The following AFAP1 variants were observed in gnomAD, a reference collection of about 807,000 sequenced individuals.
AFAP1 encodes actin filament-associated protein 1.
A neutral mutation model predicts 93.9 loss-of-function variants in AFAP1; 75 were observed. The observed-to-expected ratio is 0.80, with a 90% confidence interval of 0.66 to 0.97. AFAP1 has a LOEUF of 0.97. Ranked by LOEUF, AFAP1 falls within the 50% of genes least tolerant of loss-of-function variation. The probability of loss-of-function intolerance (pLI) is 0.00; values close to 1 mark genes in which losing one functional copy is unlikely to be tolerated. For synonymous variants in AFAP1, 517 were observed against 430.7 expected, an observed-to-expected ratio of 1.20 and a Z score of -2.48; for missense variants, 1,201 against 1,050.8, an observed-to-expected ratio of 1.14 and a Z score of -1.98.
chr4:7,795,667 T>C (rs1438310312), intron 10 of AFAP1, among the ~76,000 whole-genome samples: 1 of 152,008 alleles, frequency 6.6e-6, no homozygotes, highest in Non-Finnish European at 1.5e-5. Flanking sequence ...CCTTGTGATC[T>C]GCCCACCTCG....
intron 1 of AFAP1, among the ~76,000 whole-genome samples, chr4:7,929,965 T>C (rs999823379): frequency 1.3e-5 from 2 of 152,176 alleles, no homozygotes; most frequent in Admixed American, 6.5e-5. Flanking sequence ...AAAGAGGCCA[T>C]GTATGCAGCA....
At chr4:7,768,102 G>A (rs531269365) in intron 17 of AFAP1, among the ~76,000 whole-genome samples, 1 of 152,354 alleles carries the variant, frequency 6.6e-6, no homozygotes, top group South Asian at 2.1e-4. Flanking sequence ...TTCCGGCAAT[G>A]AGAGGAACCC....
chr4:7,868,508 A>G (rs1716676013), intron 3 of AFAP1, 114 bp downstream of exon 3: 1 of 864,542 alleles, frequency 1.2e-6, no homozygotes, highest in Admixed American at 2.9e-5. Flanking sequence ...GAGTGCCTCG[A>G]GACAAATAAG....
chr4:7,787,565 G>A (rs1402540622), intron 11 of AFAP1, among the ~76,000 whole-genome samples: 1 of 152,180 alleles, frequency 6.6e-6, no homozygotes. Context: ...TGAGGGTTGA[G>A]TTCATGTATT....
chr4:7,903,826 G>A (rs537170938), intron 1 of AFAP1, among the ~76,000 whole-genome samples: 1 of 152,290 alleles, frequency 6.6e-6, no homozygotes, highest in South Asian at 2.1e-4. Flanking sequence ...AAAGGAGGCG[G>A]GCGGGCAGCA....
chr4:7,919,942 A>G (rs1720344594), intron 1 of AFAP1, among the ~76,000 whole-genome samples: 1 of 152,162 alleles, frequency 6.6e-6, no homozygotes, highest in Non-Finnish European at 1.5e-5. Flanking sequence ...AATGGCTTCC[A>G]GCTCCATCCA....
chr4:7,905,502 G>C (rs1719349702), intron 1 of AFAP1, among the ~76,000 whole-genome samples: 1 of 152,244 alleles, frequency 6.6e-6, no homozygotes, highest in Non-Finnish European at 1.5e-5. Context: ...TGGGCGCACA[G>C]CTGCTTTTCT....
At chr4:7,820,117 G>A (rs758782184) in intron 6 of AFAP1, among the ~76,000 whole-genome samples, 8 of 152,300 alleles carry the variant, frequency 5.3e-5, no homozygotes, top group Non-Finnish European at 1.2e-4. Flanking sequence ...AGGCTGGAGT[G>A]ACCCCACTGA....
At chr4:7,775,130 C>A in intron 14 of AFAP1, 2 of 489,940 alleles carry the variant, frequency 4.1e-6, no homozygotes, top group Non-Finnish European at 7.0e-6. Context: ...GACAGTGAGA[C>A]CCCGTGTCAA....
intron 13 of AFAP1, among the ~76,000 whole-genome samples, chr4:7,780,183 C>T (rs1029484036): frequency 3.3e-5 from 5 of 152,204 alleles, no homozygotes; most frequent in African/African-American, 9.6e-5. Flanking sequence ...AAGAGGCCAA[C>T]GGCTCCCCTA....
intron 6 of AFAP1, among the ~76,000 whole-genome samples, chr4:7,820,963 A>G (rs1720923118): frequency 6.6e-6 from 1 of 152,124 alleles, no homozygotes; most frequent in Non-Finnish European, 1.5e-5. Context: ...TACTAAAAAT[A>G]CAAAATTAGC....
At position 7,769,411 on chromosome 4, in the gene AFAP1, G is replaced by A. The variant is rs529350105; in HGVS notation, c.2254-403C>T. 2.0e-5 allele frequency among the ~76,000 whole-genome samples: 3 copies of A among 152,344 alleles called. No homozygotes were observed. The East Asian group carries it at 5.8e-4, about 29-fold the overall frequency. Reference sequence around the variant, plus strand: ...TCAGCGCCCTAGAGATGCTCAGGTAGCAGAAAGTGGCGGCACTCACGGCAG... The same window carrying A: ...TCAGCGCCCTAGAGATGCTCAGGTAACAGAAAGTGGCGGCACTCACGGCAG... On this transcript the variant is annotated intron_variant, in intron 16 of 17. Transcript: ENST00000420658.
chr4:7,790,462 C>A (rs1296402130), intron 11 of AFAP1, among the ~76,000 whole-genome samples: 1 of 152,148 alleles, frequency 6.6e-6, no homozygotes, highest in Non-Finnish European at 1.5e-5. Context: ...TATTCTAGGG[C>A]AACGATTTTA....
intron 4 of AFAP1, among the ~76,000 whole-genome samples, chr4:7,846,044 G>A (rs188406156): frequency 1.1e-4 from 17 of 152,296 alleles, no homozygotes; most frequent in African/African-American, 4.1e-4. Flanking sequence ...GAAAAAGTCT[G>A]AGAAGGAGAA....
At chr4:7,882,483 T>C (rs1430116004) in intron 1 of AFAP1, among the ~76,000 whole-genome samples, 1 of 152,128 alleles carries the variant, frequency 6.6e-6, no homozygotes, top group Admixed American at 6.5e-5. Flanking sequence ...CACTTTTCCT[T>C]ACATCAGTGC....
intron 17 of AFAP1, among the ~76,000 whole-genome samples, chr4:7,765,484 G>A (rs190101707): frequency 4.6e-5 from 7 of 152,308 alleles, no homozygotes; most frequent in African/African-American, 4.8e-5. Context: ...AGCGCCCTCC[G>A]TGCTCTTCCT....
At chr4:7,767,001 G>A (rs897214564) in intron 17 of AFAP1, among the ~76,000 whole-genome samples, 13 of 152,256 alleles carry the variant, frequency 8.5e-5, no homozygotes, top group African/African-American at 3.1e-4. Context: ...AAAGGCGGGA[G>A]GCAGATGAGA....
chr4:7,762,372 A>C lies in AFAP1; in HGVS notation c.*1393T>G, dbSNP rs1577161661. ...CACCTCTGTATTCTATGCTTGGGGAAGGGGCGGTTGCTACTGGGACTGGTC... is the reference window on the plus strand; with the variant it reads ...CACCTCTGTATTCTATGCTTGGGGACGGGGCGGTTGCTACTGGGACTGGTC... On this transcript the variant is annotated 3_prime_UTR_variant, in exon 18 of 18. Coordinates refer to ENST00000420658, the MANE Select transcript of AFAP1 (RefSeq NM_001134647.2). 2 of 152,228 alleles carry C rather than the reference A, an allele frequency of 1.3e-5. No homozygotes were observed. Among genetic ancestry groups the C allele is most frequent in the African/African-American group, 4.8e-5 (2 of 41,444 alleles). The allele number at this position is 152,228 out of a possible 1,614,324, so 9.4% of individuals were successfully genotyped here. A position where few individuals can be genotyped will look rare whatever the true frequency, so the allele number is the denominator to read the frequency against.
chr4:7,792,679 G>A (rs977751714), intron 11 of AFAP1, among the ~76,000 whole-genome samples: 9 of 152,028 alleles, frequency 5.9e-5, no homozygotes, highest in African/African-American at 2.2e-4. Context: ...ACTGTCATTG[G>A]ACACACCTGC....
Sources: gnomAD v4.1 joint callset for allele counts (sites outside exome capture counted in the v4.1 genomes callset) on GRCh38, gnomAD v4.1.1 for gene constraint, MANE v1.5 for transcripts, NCBI Gene and HGNC (gene_info 2026-07-23, HGNC 2026-07-21) for gene names.